Variants in ABCC2 observed in about 807,000 individuals in gnomAD.
The protein encoded by ABCC2 is ATP-binding cassette sub-family C member 2.
ABCC2 carries 157 observed loss-of-function variants against 173.4 expected under a neutral mutation model. The observed-to-expected ratio is 0.91, with a 90% CI of 0.80 to 1.03. ABCC2 has a LOEUF of 1.03. Among genes scored for constraint, ABCC2 ranks in the 50% least tolerant of loss-of-function variants. ABCC2 has a pLI of 0.00. For synonymous variants in ABCC2, 657 were observed against 693.5 expected, an observed-to-expected ratio of 0.95 and a Z score of 0.83; for missense variants, 1,822 against 1,852.3, an observed-to-expected ratio of 0.98 and a Z score of 0.30.
intron 16 of ABCC2, among the ~76,000 whole-genome samples, chr10:99,814,166 TATATACACAC>T (rs2038280320): frequency 6.4e-5 from 8 of 125,892 alleles, no homozygotes; most frequent in African/African-American, 2.3e-4. Context: ...TACACACGTA[TATATACACAC>T]ATGTATGTAT....
At chr10:99,843,041 A>G (rs2038969474) in intron 26 of ABCC2, among the ~76,000 whole-genome samples, 1 of 151,412 alleles carries the variant, frequency 6.6e-6, no homozygotes, top group Non-Finnish European at 1.5e-5. Flanking sequence ...CAACAGAGCA[A>G]GATTCCATCT....
At position 99,819,073 on chromosome 10, in the gene ABCC2, C is replaced by A; in HGVS notation, c.2440-16C>A. The A allele has an allele frequency of 6.2e-7, 1 of 1,613,930 alleles. No individual in the cohort carries two copies. Among genetic ancestry groups the A allele is most frequent in the African/African-American group, 1.3e-5 (1 of 75,020 alleles). ...GGACATATGGTAATCAACACAACTT[C>A]ATATTATTTTTATAGACTCGACTCT... On this transcript the variant is annotated splice_polypyrimidine_tract_variant and intron_variant, in intron 18 of 31. Coordinates refer to ENST00000647814, the MANE Select transcript of ABCC2 (RefSeq NM_000392.5).
At chr10:99,843,692 C>T in intron 26 of ABCC2, 107 bp from the exon 27 acceptor site, 3 of 917,574 alleles carry the variant, frequency 3.3e-6, no homozygotes, top group Non-Finnish European at 5.5e-6. Flanking sequence ...TTGTAGAGTC[C>T]AGCACAGTGC....
In ABCC2 at chr10:99,836,126, T is replaced by G. The variant is rs143535972; in HGVS notation, c.3450T>G (p.Arg1150=). Reference sequence around the variant, plus strand: ...TGTCTACCTCCCGCCAGCTGAGGCGTCTGGACTCTGTCACCAGGTCCCCAA... The same window carrying G: ...TGTCTACCTCCCGCCAGCTGAGGCGGCTGGACTCTGTCACCAGGTCCCCAA... The part of the protein sequence containing the change: ...FYVSTSRQLR[R]LDSVTRSPIY... Residue 1150 remains arginine, a synonymous_variant, in exon 25 of 32, where the codon CGT becomes CGG. Coordinates refer to ENST00000647814, the MANE Select transcript of ABCC2 (RefSeq NM_000392.5). 6 of 1,614,026 alleles carry G rather than the reference T, an allele frequency of 3.7e-6. No homozygotes were observed. The highest frequency in any genetic ancestry group is 5.1e-6 in the Non-Finnish European group (6 of 1,180,052).
chr10:99,792,175 G>A, intron 2 of ABCC2, 59 bp from the exon 3 acceptor site: 1 of 1,607,430 alleles, frequency 6.2e-7, no homozygotes, highest in Non-Finnish European at 8.5e-7. Flanking sequence ...AAACCATTCT[G>A]TTCTAAGAGC....
At chr10:99,840,760 C>G in intron 25 of ABCC2, among the ~76,000 whole-genome samples, 2 of 152,200 alleles carry the variant, frequency 1.3e-5, no homozygotes. Context: ...CATGATCCGC[C>G]CGCCTCAGCC....
chr10:99,792,432 G>T, intron 3 of ABCC2, 73 bp downstream of exon 3: 1 of 1,588,598 alleles, frequency 6.3e-7, no homozygotes, highest in South Asian at 1.1e-5. Flanking sequence ...TGTACTCTTT[G>T]GGGATGAAAT....
chr10:99,811,960 G>C (rs763645001), intron 15 of ABCC2, among the ~76,000 whole-genome samples: 1 of 152,182 alleles, frequency 6.6e-6, no homozygotes, highest in Non-Finnish European at 1.5e-5. Context: ...TTCAGTATAA[G>C]TTCATTCATT....
At chr10:99,828,486 G>A (rs1231273920) in intron 19 of ABCC2, among the ~76,000 whole-genome samples, 1 of 152,208 alleles carries the variant, frequency 6.6e-6, no homozygotes, top group East Asian at 1.9e-4. Context: ...GTGTCAGCAG[G>A]ATTAGTTCTT....
chr10:99,790,674 C>G (rs28433811), intron 2 of ABCC2, among the ~76,000 whole-genome samples: 1 of 152,010 alleles, frequency 6.6e-6, no homozygotes, highest in Non-Finnish European at 1.5e-5. Flanking sequence ...ACATTTTTTT[C>G]CCAAAACCTC....
chr10:99,791,856 C>G (rs112008426), intron 2 of ABCC2, among the ~76,000 whole-genome samples: 9,051 of 152,256 alleles, frequency 0.059, 411 homozygotes, highest in Non-Finnish European at 0.093. Flanking sequence ...ATCCACATTG[C>G]TTTTTTATGC....
Position 99,792,351 on chromosome 10 carries a change from G to A in ABCC2, c.325G>A (p.Gly109Ser), listed in dbSNP as rs762116980. ...ATATACCAATCCAAGCCTCTACCTA[G>A]GCACATGGGTAAGACCTATACCACT... The part of the protein sequence containing the change: ...VRYTNPSLYL[G>S]TWLLVLLIQY... The change falls in exon 3 of 32, where the codon GGC becomes AGC. Residue 109 changes from glycine to serine, a missense_variant. Physicochemically the swap from Gly to Ser is moderately conservative, Grantham distance 56 (BLOSUM62 0). Transcript: ENST00000647814. The A allele has an allele frequency of 1.9e-6, 3 of 1,613,980 alleles. No homozygotes were observed. The highest frequency in any genetic ancestry group is 2.2e-5 in the South Asian group (2 of 91,078).
At chr10:99,832,929 C>T (rs1490013850) in intron 23 of ABCC2, among the ~76,000 whole-genome samples, 1 of 152,212 alleles carries the variant, frequency 6.6e-6, no homozygotes, top group African/African-American at 2.4e-5. Context: ...AGACCCAACT[C>T]ACTGATTTTT....
chr10:99,828,584 T>C (rs1257159429), intron 19 of ABCC2, among the ~76,000 whole-genome samples: 3 of 152,248 alleles, frequency 2.0e-5, no homozygotes, highest in Admixed American at 1.3e-4. Flanking sequence ...TTTGTTGTGG[T>C]TGTTCTTCCT....
At position 99,807,893 on chromosome 10, in the gene ABCC2, ATT is replaced by A. The variant is rs755297199; in HGVS notation, c.1669-189_1669-188del. On this transcript the variant is annotated intron_variant, in intron 12 of 31. Coordinates refer to ENST00000647814, the MANE Select transcript of ABCC2 (RefSeq NM_000392.5). ...ACCTGAGCTCTGGTCCTAGTAATCC[ATT>A]AATTGACTTTGTGACCTTGGAGAAG... 4.9e-3 allele frequency among the ~76,000 whole-genome samples: 752 copies of A among 152,298 alleles called. 4 individuals carry two copies. Among genetic ancestry groups the A allele is most frequent in the Non-Finnish European group, 7.7e-3 (524 of 68,010 alleles).
In ABCC2 at chr10:99,804,221, T is replaced by G. The variant is rs745424334; in HGVS notation, c.1412T>G (p.Val471Gly). ...GTCTTAGCAGGTGTTGGGGTGATGG[T>G]GCTTGTAATCCCAATTAATGCGATA... ...PSVLAGVGVM[V>G]LVIPINAILS... The change falls in exon 10 of 32, where the codon GTG becomes GGG. Residue 471 changes from valine to glycine, a missense_variant. Val to Gly is a moderately radical substitution (Grantham distance 109). Coordinates refer to ENST00000647814, the MANE Select transcript of ABCC2 (RefSeq NM_000392.5). The G allele has an allele frequency of 6.2e-7, 1 of 1,614,042 alleles. No individual in the cohort carries two copies. Among genetic ancestry groups the G allele is most frequent in the African/African-American group, 1.3e-5 (1 of 74,928 alleles).
chr10:99,802,479 A>G (rs1214562723), intron 9 of ABCC2, among the ~76,000 whole-genome samples: 2 of 141,824 alleles, frequency 1.4e-5, no homozygotes, highest in African/African-American at 2.6e-5. Context: ...TTGAAGGGCA[A>G]TTAGATGTTG....
intron 30 of ABCC2, among the ~76,000 whole-genome samples, chr10:99,847,934 CAAACAAAA>C (rs1370523558): frequency 4.6e-5 from 7 of 152,188 alleles, no homozygotes; most frequent in African/African-American, 1.4e-4. Flanking sequence ...AACAAACAAA[CAAACAAAA>C]AACCTTTGTT....
chr10:99,835,826 T>G (rs926511869), intron 24 of ABCC2, among the ~76,000 whole-genome samples: 10 of 152,124 alleles, frequency 6.6e-5, no homozygotes, highest in African/African-American at 2.4e-4. Context: ...CTTAGGAGGT[T>G]TGGAGACTCA....
Sources: gnomAD v4.1 joint callset for allele counts (sites outside exome capture counted in the v4.1 genomes callset) on GRCh38, gnomAD v4.1.1 for gene constraint, MANE v1.5 for transcripts, NCBI Gene and HGNC (gene_info 2026-07-23, HGNC 2026-07-21) for gene names.